The following RASA3 variants were observed in gnomAD, a reference collection of about 807,000 sequenced individuals.
RASA3 encodes the protein ras GTPase-activating protein 3.
In RASA3, 73 loss-of-function variants were observed where a neutral mutation model predicts 110.0. The observed-to-expected ratio is 0.66, with a 90% CI of 0.55 to 0.81. The LOEUF is 0.81. Among genes scored for constraint, RASA3 ranks in the 30% least tolerant of loss-of-function variants. The pLI is 0.00. For synonymous variants in RASA3, 500 were observed against 451.4 expected (o/e 1.11, Z -1.37); for missense variants, 976 against 1,113.2 (o/e 0.88, Z 1.75).
In RASA3 at chr13:114,013,933, T is replaced by TC. The variant is rs549776593; in HGVS notation, c.1406-686dup. ...CTGTCTCTCTCTCTCCGTCTCTCTC[T>TC]CCCTGTCTCTATCTCTCTGTCTCTC... On this transcript the variant is annotated intron_variant, in intron 14 of 23. Transcript: ENST00000334062. Among the ~76,000 whole-genome samples the TC allele has an allele frequency of 7.3e-3, 742 of 101,436 alleles. 70 individuals carry two copies. The highest frequency in any genetic ancestry group is 0.027 in the African/African-American group (697 of 26,234). The allele number at this position is 101,436 out of a possible 152,430, so 66.5% of individuals were successfully genotyped here.
At chr13:114,007,449 TACCCTTCTCCCCTC>T in intron 18 of RASA3, 70 bp downstream of exon 18, 1 of 450,798 alleles carries the variant, frequency 2.2e-6, no homozygotes, top group East Asian at 5.1e-5. Flanking sequence ...GACACCACCT[TACCCTTCTCCCCTC>T]CTGCCCTGCT....
At position 114,061,234 on chromosome 13, in the gene RASA3, C is replaced by T. The variant is rs565515864; in HGVS notation, c.174-9079G>A. Among the ~76,000 whole-genome samples, 65 of 152,138 alleles carry T rather than the reference C, an allele frequency of 4.3e-4. No homozygotes were observed. In the Middle Eastern group the frequency reaches 0.014, roughly 32 times the overall value. ...CACGGCCGGGGACGCTGCCTCGATG[C>T]GCGGGGCTCCCTCCGCCATGGCCGG... On this transcript the variant is annotated intron_variant, in intron 2 of 23. Coordinates refer to ENST00000334062, the MANE Select transcript of RASA3 (RefSeq NM_007368.4).
In RASA3 at chr13:114,048,676, C is replaced by T. The variant is rs1281314865; in HGVS notation, c.277+3376G>A. Among the ~76,000 whole-genome samples the T allele has an allele frequency of 6.6e-6, 1 of 152,244 alleles. No individual in the cohort carries two copies. Among genetic ancestry groups the T allele is most frequent in the Non-Finnish European group, 1.5e-5 (1 of 68,036 alleles). ...CTGGAATCCCGAAGGAGCCTGCGCC[C>T]CGTGTGTCCCGCAGGTCACGGCCCT... On this transcript the variant is annotated intron_variant, in intron 3 of 23. Coordinates refer to ENST00000334062, the MANE Select transcript of RASA3 (RefSeq NM_007368.4). The surrounding 1 kb of genome is among the most constrained non-coding windows in gnomAD (Gnocchi z 4.3).
intron 3 of RASA3, among the ~76,000 whole-genome samples, chr13:114,042,473 CCA>C (rs1468619999): frequency 6.6e-6 from 1 of 152,260 alleles, no homozygotes; most frequent in African/African-American, 2.4e-5. Flanking sequence ...CGTTCTGCAC[CCA>C]GAGACACACA....
At chr13:114,003,662 T>G (rs970146924) in intron 18 of RASA3, among the ~76,000 whole-genome samples, 3 of 152,212 alleles carry the variant, frequency 2.0e-5, no homozygotes, top group African/African-American at 7.2e-5. Flanking sequence ...ATATTCTGTG[T>G]CCTTGTACCT....
chr13:114,097,819 G>A (rs981787470), intron 1 of RASA3, among the ~76,000 whole-genome samples: 2 of 152,316 alleles, frequency 1.3e-5, no homozygotes, highest in African/African-American at 4.8e-5. Flanking sequence ...CAGCCTATGC[G>A]GAGTGGATGC....
At position 114,056,360 on chromosome 13, in the gene RASA3, C is replaced by T. The variant is rs542910388; in HGVS notation, c.174-4205G>A. 1.9e-4 allele frequency: 162 copies of T among 831,030 alleles called. No individual in the cohort carries two copies. Among genetic ancestry groups the T allele is most frequent in the Non-Finnish European group, 2.3e-4 (156 of 689,250 alleles). The allele number at this position is 831,030 out of a possible 1,614,324, so 51.5% of individuals were successfully genotyped here. On this transcript the variant is annotated intron_variant, in intron 2 of 23. Coordinates refer to ENST00000334062, the MANE Select transcript of RASA3 (RefSeq NM_007368.4). This position sits in a 1 kb window ranked among gnomAD's most constrained non-coding sequence, Gnocchi z 5.7. Reference sequence around the variant, plus strand: ...CTAAGCACACCCCACAAACGGGCGCCGCGCACCTGGCATTTAACCCTGCAC... The same window carrying T: ...CTAAGCACACCCCACAAACGGGCGCTGCGCACCTGGCATTTAACCCTGCAC...
rs371885066 is a variant in RASA3, at chr13:114,013,924, G to GTCTC, written c.1406-680_1406-677dup. 7.7e-5 allele frequency among the ~76,000 whole-genome samples: 7 copies of GTCTC among 90,560 alleles called. 2 individuals are homozygous for GTCTC. The South Asian group carries it at 1.2e-3, about 16-fold the overall frequency. 59.4% of individuals were successfully genotyped at this position (90,560 alleles called of 152,430 possible). On this transcript the variant is annotated intron_variant, in intron 14 of 23. Transcript: ENST00000334062. ...TCTCTTTCTCTGTCTCTCTCTCTCC[G>GTCTC]TCTCTCTCTCCCTGTCTCTATCTCT...
intron 9 of RASA3, among the ~76,000 whole-genome samples, chr13:114,020,900 T>C (rs1280473100): frequency 3.9e-5 from 6 of 152,240 alleles, no homozygotes; most frequent in African/African-American, 1.4e-4. Flanking sequence ...GTGCGCATTC[T>C]GGGCTCCTGC....
chr13:114,051,072 G>A (rs1250566649), intron 3 of RASA3, among the ~76,000 whole-genome samples: 3 of 152,190 alleles, frequency 2.0e-5, no homozygotes, highest in Non-Finnish European at 4.4e-5. Flanking sequence ...CCGGGACCCC[G>A]CCCACGCACA....
chr13:114,010,419 G>A (rs1357318191), intron 16 of RASA3, among the ~76,000 whole-genome samples: 3 of 152,020 alleles, frequency 2.0e-5, no homozygotes, highest in East Asian at 3.9e-4. Context: ...CCCCCGGGAC[G>A]CCTCAAACGT....
Position 114,045,507 on chromosome 13 carries a change from A to G in RASA3, c.278-4413T>C, listed in dbSNP as rs1198176371. 2.6e-5 allele frequency among the ~76,000 whole-genome samples: 4 copies of G among 152,194 alleles called. No homozygotes were observed. The East Asian group carries it at 7.7e-4, about 29-fold the overall frequency. The stretch of plus-strand genomic sequence containing the variant: ...GAGCAAGAGCTGCCCGAGACAGGGA[A>G]TGCGGCTGAAATGCGCGCGCCTCCC... On this transcript the variant is annotated intron_variant, in intron 3 of 23. Coordinates refer to ENST00000334062, the MANE Select transcript of RASA3 (RefSeq NM_007368.4).
In RASA3 at chr13:114,011,999, G is replaced by A. The variant is rs576916789; in HGVS notation, c.1513-751C>T. 9.9e-5 allele frequency among the ~76,000 whole-genome samples: 15 copies of A among 151,988 alleles called. 1 individual carries two copies. The highest frequency in any genetic ancestry group is 5.2e-4 in the Admixed American group (8 of 15,276). On this transcript the variant is annotated intron_variant, in intron 15 of 23. Transcript: ENST00000334062. This position sits in a 1 kb window ranked among gnomAD's most constrained non-coding sequence, Gnocchi z 4.8. ...CCATCTCCTTCCAGCTCTGCCACCC[G>A]CACGTGCAACACGGTCACCCCAGAT... is the stretch of plus-strand genomic sequence containing the variant.
chr13:114,060,326 A>G (rs1411266472), intron 2 of RASA3, among the ~76,000 whole-genome samples: 1 of 152,152 alleles, frequency 6.6e-6, no homozygotes. Flanking sequence ...AAGACACTGG[A>G]TGGACGGATG....
In RASA3 at chr13:114,024,348, C is replaced by G; in HGVS notation, c.611G>C (p.Arg204Pro). 1 of 1,613,688 alleles carries G rather than the reference C, an allele frequency of 6.2e-7. No individual in the cohort carries two copies. The highest frequency in any genetic ancestry group is 8.5e-7 in the Non-Finnish European group (1 of 1,179,822). ...FDEVFYFEVTRPCSYSKKSHF... is the reference protein window; with the variant it reads ...FDEVFYFEVTPPCSYSKKSHF... Reference sequence around the variant, plus strand: ...GGACTTCTTGCTGTAGCTACAGGGCCGGGTCACCTGGAGTCAGACGAGAGA... The same window carrying G: ...GGACTTCTTGCTGTAGCTACAGGGCGGGGTCACCTGGAGTCAGACGAGAGA... Residue 204 changes from arginine (R) to proline (P), a missense_variant, in exon 8 of 24, where the codon CGG becomes CCG. By Grantham distance (103) the Arg-to-Pro change is moderately radical. Coordinates refer to ENST00000334062, the MANE Select transcript of RASA3 (RefSeq NM_007368.4).
chr13:114,005,669 G>A (rs1253396696), intron 18 of RASA3, among the ~76,000 whole-genome samples: 2 of 152,170 alleles, frequency 1.3e-5, no homozygotes, highest in Admixed American at 6.5e-5. Context: ...CAAGGGAGGA[G>A]GCTGCCCCCG....
chr13:114,040,274 G>A lies in RASA3; in HGVS notation c.372+726C>T, dbSNP rs904797621. Among the ~76,000 whole-genome samples the A allele has an allele frequency of 5.9e-5, 9 of 151,538 alleles. 1 individual carries two copies. Among genetic ancestry groups the A allele is most frequent in the South Asian group, 2.1e-4 (1 of 4,798 alleles). On this transcript the variant is annotated intron_variant, in intron 4 of 23. Transcript: ENST00000334062. ...ACTCCGACCACAAGCGGGTGAACAC[G>A]CCCAACCCAAAATCCATGGCAGAGA...
rs530644663 is a variant in RASA3 at position 114,103,093 on chromosome 13, C to T, written c.56-29256G>A. Among the ~76,000 whole-genome samples, 20 of 151,426 alleles carry T rather than the reference C, an allele frequency of 1.3e-4. No individual in the cohort carries two copies. In the South Asian group the frequency reaches 3.1e-3, roughly 24 times the overall value. ...GGGGGAGAAATGCAGCTGTGGCTGT[C>T]GTGGAGGTGGCTGTGGCCAATGGCC... On this transcript the variant is annotated intron_variant, in intron 1 of 23. Coordinates refer to ENST00000334062, the MANE Select transcript of RASA3 (RefSeq NM_007368.4).
At position 114,007,696 on chromosome 13, in the gene RASA3, C is replaced by T. The variant is rs1410553398; in HGVS notation, c.1669-90G>A. 4.7e-5 allele frequency: 51 copies of T among 1,093,914 alleles called. No individual in the cohort carries two copies. The Admixed American group carries it at 6.2e-4, about 13-fold the overall frequency. 67.8% of individuals were successfully genotyped at this position (1,093,914 alleles called of 1,614,324 possible). On this transcript the variant is annotated intron_variant, in intron 17 of 23. Transcript: ENST00000334062. ...ATAACAACAGCGTCGGCGGCTACTG[C>T]CTCCTTTGTAATACCAGTGGAGACA...
Sources: gnomAD v4.1 joint callset for allele counts (sites outside exome capture counted in the v4.1 genomes callset) on GRCh38, gnomAD v4.1.1 for gene constraint, Gnocchi (gnomAD v3.1) non-coding constraint, MANE v1.5 for transcripts, NCBI Gene and HGNC (gene_info 2026-07-23, HGNC 2026-07-21) for gene names.